CDH15: variants seen among roughly 807,000 people sequenced by gnomAD.
CDH15 encodes the protein cadherin-15.
Under a neutral mutation model 69.4 loss-of-function variants are expected in CDH15, and 73 were observed. The ratio of observed to expected loss-of-function variants is 1.05; its 90% CI spans 0.87 to 1.28. The LOEUF is 1.28. Among genes scored for constraint, CDH15 ranks in the 50% most tolerant of loss-of-function variants. The pLI is 0.00. For synonymous variants in CDH15, 624 were observed against 507.7 expected, an observed-to-expected ratio of 1.23 and a Z score of -3.08; for missense variants, 1,343 against 1,133.6, an observed-to-expected ratio of 1.18 and a Z score of -2.65.
chr16:89,184,441 G>T (rs1315165565), intron 4 of CDH15, among the ~76,000 whole-genome samples: 1 of 152,182 alleles, frequency 6.6e-6, no homozygotes, highest in African/African-American at 2.4e-5. Context: ...GAGGGAAATG[G>T]GGGGAGGTGA....
chr16:89,191,340 G>C lies in CDH15; in HGVS notation c.1243G>C (p.Asp415His), dbSNP rs944288182. The C allele has an allele frequency of 6.2e-6, 10 of 1,612,658 alleles. No individual in the cohort carries two copies. Among genetic ancestry groups the C allele is most frequent in the Non-Finnish European group, 8.5e-6 (10 of 1,179,978 alleles). Reference protein sequence around the residue: ...EQLQRLSYSKDYDPEDWLQVD... With the variant: ...EQLQRLSYSKHYDPEDWLQVD... Reference sequence around the variant, plus strand: ...CCTCCCCTGCATCAGCTACTCCAAGGACTACGACCCGGAAGACTGGCTGCA... The same window carrying C: ...CCTCCCCTGCATCAGCTACTCCAAGCACTACGACCCGGAAGACTGGCTGCA... The change falls in exon 9 of 14, where the codon GAC becomes CAC. Residue 415 changes from aspartate to histidine, a missense_variant. Asp to His is a moderately conservative substitution (Grantham distance 81). Transcript: ENST00000289746.
chr16:89,178,681 G>A (rs976629253), intron 1 of CDH15, among the ~76,000 whole-genome samples: 5 of 152,258 alleles, frequency 3.3e-5, no homozygotes, highest in Non-Finnish European at 5.9e-5. Flanking sequence ...GCTGCAGGCC[G>A]GTTCAGCCAC....
rs541243986 is a variant in CDH15 at position 89,188,129 on chromosome 16, C to G, written c.822C>G (p.Ser274Arg). 1 of 1,612,896 alleles carries G rather than the reference C, an allele frequency of 6.2e-7. No homozygotes were observed. Among genetic ancestry groups the G allele is most frequent in the South Asian group, 1.1e-5 (1 of 90,874 alleles). Reference sequence around the variant, plus strand: ...TCATGGAGGCCATAGAGGCCGTCAGCGGAGTGGATGTGGGACGCCTGGAAG... The same window carrying G: ...TCATGGAGGCCATAGAGGCCGTCAGGGGAGTGGATGTGGGACGCCTGGAAG... ...EFFMEAIEAV[S>R]GVDVGRLEVE... The change falls in exon 7 of 14, where the codon AGC becomes AGG. Residue 274 changes from serine (S) to arginine (R), a missense_variant. Coordinates refer to ENST00000289746, the MANE Select transcript of CDH15 (RefSeq NM_004933.3).
chr16:89,174,934 C>T (rs1915227154), intron 1 of CDH15, among the ~76,000 whole-genome samples: 1 of 152,244 alleles, frequency 6.6e-6, no homozygotes, highest in African/African-American at 2.4e-5. Context: ...GGACGGCTCC[C>T]AGGCCCTCCC....
chr16:89,177,649 C>T (rs949721395), intron 1 of CDH15, among the ~76,000 whole-genome samples: 1 of 152,156 alleles, frequency 6.6e-6, no homozygotes, highest in African/African-American at 2.4e-5. Flanking sequence ...CCTGCCTCTC[C>T]CCCAGCCCTG....
intron 3 of CDH15, 195 bp from the exon 4 acceptor site, chr16:89,183,353 G>A: frequency 3.2e-6 from 2 of 622,208 alleles, no homozygotes; most frequent in Middle Eastern, 4.4e-4. Flanking sequence ...TGTCTGCTAA[G>A]GGAAGGTGGC....
chr16:89,179,582 G>A lies in CDH15; in HGVS notation c.201+8G>A. 5 of 1,575,854 alleles carry A rather than the reference G, an allele frequency of 3.2e-6. No individual in the cohort carries two copies. The highest frequency in any genetic ancestry group is 3.5e-6 in the Non-Finnish European group (4 of 1,158,656). On this transcript the variant is annotated splice_region_variant and intron_variant, in intron 2 of 13. Transcript: ENST00000289746. ...CCCTACCCCCTGGTTCAGGTGAGCAGGTGGAGGGGGCAGGAGGGGAGAAAG... is the reference window on the plus strand; with the variant it reads ...CCCTACCCCCTGGTTCAGGTGAGCAAGTGGAGGGGGCAGGAGGGGAGAAAG...
In CDH15 at chr16:89,195,419, A is replaced by C. The variant is rs533935186; in HGVS notation, c.*264A>C. The C allele has an allele frequency of 9.7e-6, 5 of 513,402 alleles. No homozygotes were observed. The highest frequency in any genetic ancestry group is 7.6e-5 in the African/African-American group (4 of 52,648). The allele number at this position is 513,402 out of a possible 1,614,324, so 31.8% of individuals were successfully genotyped here. On this transcript the variant is annotated 3_prime_UTR_variant, in exon 14 of 14. Coordinates refer to ENST00000289746, the MANE Select transcript of CDH15 (RefSeq NM_004933.3). ...TCCCACCTTTGCCTCCTACCAGTGA[A>C]CCTCATCTTTGTATGAAAGACAGCA...
At chr16:89,180,974 C>CTTTTTT (rs770080908) in intron 3 of CDH15, among the ~76,000 whole-genome samples, 2 of 96,996 alleles carry the variant, frequency 2.1e-5, no homozygotes, top group Admixed American at 1.1e-4. Flanking sequence ...CGCGCCCGAC[C>CTTTTTT]TTTTTTTTTT....
rs1202209458 is a variant in CDH15 at position 89,186,678 on chromosome 16, G to A, written c.664-751G>A. Among the ~76,000 whole-genome samples the A allele has an allele frequency of 1.6e-4, 20 of 122,934 alleles. 1 individual carries two copies. Among genetic ancestry groups the A allele is most frequent in the African/African-American group, 2.5e-4 (8 of 31,538 alleles). 80.6% of individuals were successfully genotyped at this position (122,934 alleles called of 152,430 possible). A position where few individuals can be genotyped will look rare whatever the true frequency, so the allele number is the denominator to read the frequency against. On this transcript the variant is annotated intron_variant, in intron 5 of 13. Coordinates refer to ENST00000289746, the MANE Select transcript of CDH15 (RefSeq NM_004933.3). Reference sequence around the variant, plus strand: ...GGTGCTCTGTAAACGCTCACCCAGCGCACAGTAGGTGCTCTGTGAACACCC... The same window carrying A: ...GGTGCTCTGTAAACGCTCACCCAGCACACAGTAGGTGCTCTGTGAACACCC...
intron 13 of CDH15, 55 bp from the exon 14 acceptor site, chr16:89,194,807 G>C (rs1684678865): frequency 1.3e-6 from 2 of 1,539,722 alleles, no homozygotes; most frequent in Non-Finnish European, 1.8e-6. Context: ...GGCCACGGCG[G>C]TGGGGCACCC....
intron 5 of CDH15, chr16:89,185,539 G>T: frequency 1.5e-6 from 1 of 668,394 alleles, no homozygotes; most frequent in Admixed American, 2.2e-5. Context: ...GGTGGGAGGG[G>T]TCTGGTGCAA....
At chr16:89,188,361 C>A (rs948508714) in intron 7 of CDH15, 76 bp downstream of exon 7, 2 of 1,109,460 alleles carry the variant, frequency 1.8e-6, no homozygotes, top group Non-Finnish European at 1.3e-6. Flanking sequence ...CACACAGATG[C>A]CGGCACACAC....
chr16:89,191,036 G>A (rs565490169), intron 8 of CDH15, among the ~76,000 whole-genome samples: 35 of 148,942 alleles, frequency 2.3e-4, no homozygotes, highest in African/African-American at 5.7e-4. Context: ...TGGTACATGC[G>A]TGTGGTGTAT....
intron 10 of CDH15, 111 bp from the exon 11 acceptor site, chr16:89,192,094 G>A: frequency 1.5e-6 from 2 of 1,375,988 alleles, no homozygotes; most frequent in Admixed American, 5.0e-5. Context: ...TGGGGGTGGG[G>A]GGGACCCAGG....
intron 5 of CDH15, 140 bp from the exon 6 acceptor site, chr16:89,187,289 G>A: frequency 1.1e-6 from 1 of 919,248 alleles, no homozygotes; most frequent in South Asian, 1.4e-5. Flanking sequence ...AGGATTCTCA[G>A]GGCCACTTGG....
intron 5 of CDH15, among the ~76,000 whole-genome samples, chr16:89,186,878 T>A (rs1264547851): frequency 1.5e-4 from 22 of 147,878 alleles, no homozygotes; most frequent in Admixed American, 4.0e-4. Context: ...CAGCGCACAG[T>A]AGGTGCTCTG....
At chr16:89,186,001 G>T (rs1373733405) in intron 5 of CDH15, 2 of 142,812 alleles carry the variant, frequency 1.4e-5, no homozygotes, top group Non-Finnish European at 3.0e-5. Context: ...ACCCAGCGCA[G>T]AGTAGGTGCT....
At position 89,185,658 on chromosome 16, in the gene CDH15, G is replaced by T. The variant is rs1423341094; in HGVS notation, c.663+325G>T. On this transcript the variant is annotated intron_variant, in intron 5 of 13. Coordinates refer to ENST00000289746, the MANE Select transcript of CDH15 (RefSeq NM_004933.3). ...GTAAGTAACTAACTCCTTCTGTCAG[G>T]GCCCCTGTTGCCCCTTGCTGTCGGA... 11 of 425,582 alleles carry T rather than the reference G, an allele frequency of 2.6e-5. No individual in the cohort carries two copies. The Admixed American group carries it at 4.0e-4, about 15-fold the overall frequency. 26.4% of individuals were successfully genotyped at this position (425,582 alleles called of 1,614,324 possible). A position where few individuals can be genotyped will look rare whatever the true frequency, so the allele number is the denominator to read the frequency against.
Sources: gnomAD v4.1 joint callset for allele counts (sites outside exome capture counted in the v4.1 genomes callset) on GRCh38, gnomAD v4.1.1 for gene constraint, MANE v1.5 for transcripts, NCBI Gene and HGNC (gene_info 2026-07-23, HGNC 2026-07-21) for gene names.